The following RASGRF2 variants were observed in gnomAD, a reference collection of about 807,000 sequenced individuals.
The protein encoded by RASGRF2 is Ras protein specific guanine nucleotide releasing factor 2.
In RASGRF2, 76 loss-of-function variants were observed where a neutral mutation model predicts 151.0. The observed-to-expected ratio is 0.50, with a 90% CI of 0.42 to 0.61. The LOEUF is 0.61. Among genes scored for constraint, RASGRF2 ranks in the 20% least tolerant of loss-of-function variants. RASGRF2 has a pLI of 0.00. For synonymous variants in RASGRF2, 504 were observed against 566.5 expected, an observed-to-expected ratio of 0.89 and a Z score of 1.57; for missense variants, 1,148 against 1,564.6, an observed-to-expected ratio of 0.73 and a Z score of 4.49.
intron 17 of RASGRF2, among the ~76,000 whole-genome samples, chr5:81,147,916 C>T (rs868200630): frequency 2.0e-5 from 3 of 152,134 alleles, no homozygotes; most frequent in African/African-American, 4.8e-5. Flanking sequence ...TCTTAATTCC[C>T]GTAGATGTGT....
At chr5:81,182,311 G>T (rs1754933674) in intron 18 of RASGRF2, among the ~76,000 whole-genome samples, 1 of 152,144 alleles carries the variant, frequency 6.6e-6, no homozygotes, top group African/African-American at 2.4e-5. Flanking sequence ...TTCCCATAAG[G>T]TCTTTCCTTA....
At chr5:81,222,847 G>A (rs1755882908) in intron 26 of RASGRF2, among the ~76,000 whole-genome samples, 1 of 152,024 alleles carries the variant, frequency 6.6e-6, no homozygotes, top group Admixed American at 6.6e-5. Context: ...GAAAGGTAAA[G>A]ATTAAATACT....
intron 25 of RASGRF2, among the ~76,000 whole-genome samples, chr5:81,219,164 C>T (rs903674305): frequency 6.6e-6 from 1 of 151,694 alleles, no homozygotes; most frequent in East Asian, 1.9e-4. Flanking sequence ...CTGCAACCTC[C>T]ACCTTCCGGG....
chr5:81,022,664 T>C (rs968042075), intron 1 of RASGRF2, among the ~76,000 whole-genome samples: 6 of 152,184 alleles, frequency 3.9e-5, no homozygotes, highest in African/African-American at 7.2e-5. Context: ...CCTCTCCTTC[T>C]TGCCACACTC....
chr5:81,165,695 G>A (rs1754489826), intron 17 of RASGRF2, among the ~76,000 whole-genome samples: 1 of 152,162 alleles, frequency 6.6e-6, no homozygotes, highest in Non-Finnish European at 1.5e-5. Context: ...TATATCAACA[G>A]CCCCACCTGC....
intron 17 of RASGRF2, among the ~76,000 whole-genome samples, chr5:81,158,760 G>A (rs1322067712): frequency 6.6e-6 from 1 of 152,166 alleles, no homozygotes; most frequent in Admixed American, 6.5e-5. Flanking sequence ...CATTAGAATA[G>A]CAAAATAAAA....
intron 2 of RASGRF2, among the ~76,000 whole-genome samples, chr5:81,057,054 G>A (rs1231001809): frequency 1.3e-5 from 2 of 151,964 alleles, no homozygotes; most frequent in African/African-American, 4.8e-5. Flanking sequence ...CTGAATACCC[G>A]CAGCACACTG....
At chr5:81,153,805 C>T (rs565446983) in intron 17 of RASGRF2, among the ~76,000 whole-genome samples, 2 of 151,492 alleles carry the variant, frequency 1.3e-5, no homozygotes, top group South Asian at 2.1e-4. Context: ...TAACCATATG[C>T]CATATATGAA....
intron 1 of RASGRF2, among the ~76,000 whole-genome samples, chr5:81,005,876 G>A (rs1749252802): frequency 6.6e-6 from 1 of 152,172 alleles, no homozygotes; most frequent in South Asian, 2.1e-4. Flanking sequence ...TCAGAGGTAG[G>A]AATTGCTGAT....
intron 1 of RASGRF2, among the ~76,000 whole-genome samples, chr5:80,961,905 A>C (rs1434978008): frequency 1.3e-5 from 2 of 152,208 alleles, no homozygotes; most frequent in African/African-American, 2.4e-5. Flanking sequence ...AAGCAGACTA[A>C]TTTTATGCCC....
At chr5:81,002,470 C>A (rs1247613248) in intron 1 of RASGRF2, among the ~76,000 whole-genome samples, 1 of 152,104 alleles carries the variant, frequency 6.6e-6, no homozygotes, top group Non-Finnish European at 1.5e-5. Context: ...AACATCTGGA[C>A]AATAATTTGT....
chr5:81,092,515 A>C (rs1407594555), intron 9 of RASGRF2, among the ~76,000 whole-genome samples: 1 of 152,186 alleles, frequency 6.6e-6, no homozygotes, highest in Non-Finnish European at 1.5e-5. Flanking sequence ...GAAGTGCTTC[A>C]TTCTTTGAAT....
chr5:81,032,758 A>C (rs1750311765), intron 1 of RASGRF2, among the ~76,000 whole-genome samples: 1 of 152,104 alleles, frequency 6.6e-6, no homozygotes, highest in African/African-American at 2.4e-5. Context: ...GCCCTCTCTC[A>C]CCACTCCTAT....
At chr5:81,115,598 T>C (rs1475154966) in intron 15 of RASGRF2, among the ~76,000 whole-genome samples, 1 of 152,038 alleles carries the variant, frequency 6.6e-6, no homozygotes, top group Non-Finnish European at 1.5e-5. Flanking sequence ...GATTCTCTCT[T>C]TCTCTCTTTT....
At chr5:80,992,270 C>A (rs925745113) in intron 1 of RASGRF2, among the ~76,000 whole-genome samples, 1 of 87,322 alleles carries the variant, frequency 1.1e-5, no homozygotes, top group Non-Finnish European at 2.7e-5. Flanking sequence ...CTTGGTAGGT[C>A]CCTGCCTCTT....
Position 81,026,958 on chromosome 5 carries a change from G to A in RASGRF2, c.289-15919G>A, listed in dbSNP as rs767267801. The stretch of plus-strand genomic sequence containing the variant: ...TGAATAGATAAGAATGAGTGGAATT[G>A]AGTAAATCCAAGAATTTGCACATAG... On this transcript the variant is annotated intron_variant, in intron 1 of 26. Transcript: ENST00000265080. Among the ~76,000 whole-genome samples, 36 of 152,154 alleles carry A rather than the reference G, an allele frequency of 2.4e-4. 1 individual carries two copies. Among genetic ancestry groups the A allele is most frequent in the Non-Finnish European group, 4.0e-4 (27 of 68,032 alleles).
intron 1 of RASGRF2, among the ~76,000 whole-genome samples, chr5:80,977,904 C>T (rs943167124): frequency 2.6e-5 from 4 of 152,064 alleles, no homozygotes; most frequent in Admixed American, 1.3e-4. Context: ...GCTTATCAGC[C>T]TAGTTTGTAA....
chr5:81,155,393 A>G (rs542555157), intron 17 of RASGRF2, among the ~76,000 whole-genome samples: 1 of 152,276 alleles, frequency 6.6e-6, no homozygotes, highest in South Asian at 2.1e-4. Context: ...ATTAGAGAAA[A>G]TTTTTAAAAA....
At chr5:80,997,280 G>A (rs1487814809) in intron 1 of RASGRF2, 3 of 152,170 alleles carry the variant, frequency 2.0e-5, no homozygotes, top group Non-Finnish European at 2.9e-5. Context: ...CTCCATGGAT[G>A]CTGCAAATTA....
Sources: allele counts gnomAD v4.1 joint callset (sites outside exome capture counted in the v4.1 genomes callset), GRCh38; gene constraint gnomAD v4.1.1; transcripts MANE v1.5; gene names NCBI Gene and HGNC (gene_info 2026-07-23, HGNC 2026-07-21).